CARHSP1: variants seen among roughly 807,000 people sequenced by gnomAD.
CARHSP1 encodes the protein calcium regulated heat stable protein 1, also known as calcium-regulated heat-stable protein 1.
In CARHSP1, 14 loss-of-function variants were observed where a neutral mutation model predicts 12.5. That is an observed-to-expected ratio of 1.12 (90% CI 0.74 to 1.75). The LOEUF (loss-of-function observed/expected upper bound fraction) is 1.75. Among genes scored for constraint, CARHSP1 ranks in the 40% most tolerant of loss-of-function variants. The pLI is 0.00. For synonymous variants in CARHSP1, 161 were observed against 82.0 expected (o/e 1.96, Z -5.20); for missense variants, 343 against 201.6 (o/e 1.70, Z -4.25).
At chr16:8,857,263 G>GTTTTTTGTTTTTTGTTTTTTTTTTTTT (rs1315960023) in intron 3 of CARHSP1, among the ~76,000 whole-genome samples, 5 of 57,036 alleles carry the variant, frequency 8.8e-5, no homozygotes, top group East Asian at 8.9e-4. Flanking sequence ...GGGCAGATCT[G>GTTTTTTGTTTTTTGTTTTTTTTTTTTT]TTTTTTTTTT....
At chr16:8,855,455 T>G (rs1375228388) in intron 3 of CARHSP1, 129 bp from the exon 4 acceptor site, 2 of 769,814 alleles carry the variant, frequency 2.6e-6, no homozygotes, top group African/African-American at 3.6e-5. Context: ...CGGGAACCTC[T>G]TTCCAAAGAA....
rs573668584 is a variant in CARHSP1, at chr16:8,861,033, G to A, written c.-7-1698C>T. Among the ~76,000 whole-genome samples, 82 of 143,466 alleles carry A rather than the reference G, an allele frequency of 5.7e-4. 1 individual carries two copies. In the South Asian group the frequency reaches 0.011, roughly 19 times the overall value. The allele number at this position is 143,466 out of a possible 152,430, so 94.1% of individuals were successfully genotyped here. A position where few individuals can be genotyped will look rare whatever the true frequency, so the allele number is the denominator to read the frequency against. Reference sequence around the variant, plus strand: ...CCACAGCACTCCAGCCTGGGTGACAGAGTGAGACTCCGTCTCAAAAAAAAA... The same window carrying A: ...CCACAGCACTCCAGCCTGGGTGACAAAGTGAGACTCCGTCTCAAAAAAAAA... On this transcript the variant is annotated intron_variant, in intron 1 of 3. Transcript: ENST00000311052.
chr16:8,860,151 G>C lies in CARHSP1; in HGVS notation c.-7-816C>G, dbSNP rs893181928. 2.3e-5 allele frequency: 23 copies of C among 985,298 alleles called. No homozygotes were observed. In the African/African-American group the frequency reaches 3.5e-4, roughly 15 times the overall value. The allele number at this position is 985,298 out of a possible 1,614,324, so 61.0% of individuals were successfully genotyped here. A position where few individuals can be genotyped will look rare whatever the true frequency, so the allele number is the denominator to read the frequency against. ...AGGGAACTGTGGAACACGTCGCAGA[G>C]AGCTCAAGCGCCACGTTTGGATCCC... On this transcript the variant is annotated intron_variant, in intron 1 of 3. Transcript: ENST00000311052.
chr16:8,863,774 C>T (rs1009016368), intron 1 of CARHSP1, among the ~76,000 whole-genome samples: 1 of 152,056 alleles, frequency 6.6e-6, no homozygotes, highest in African/African-American at 2.4e-5. Flanking sequence ...AACTGGGGGG[C>T]GGGTAACCAG....
At chr16:8,863,046 G>A (rs2061394370) in intron 1 of CARHSP1, among the ~76,000 whole-genome samples, 1 of 151,206 alleles carries the variant, frequency 6.6e-6, no homozygotes, top group Admixed American at 6.6e-5. Flanking sequence ...TGTGTCCCAA[G>A]GGCCCAGCAC....
chr16:8,858,097 C>G, intron 3 of CARHSP1: 1 of 522,202 alleles, frequency 1.9e-6, no homozygotes, highest in Non-Finnish European at 3.4e-6. Context: ...CACAAAGACA[C>G]ACCCAGGGAC....
rs181010818 is a variant in CARHSP1 at position 8,855,585 on chromosome 16, C to T, written c.282-259G>A. On this transcript the variant is annotated intron_variant, in intron 3 of 3. Transcript: ENST00000311052. ...GATGCTGGAACTGAAAGAGTTCAGC[C>T]ACCTGTGGGTGCTCACATGGTGACA... is the stretch of plus-strand genomic sequence containing the variant. Among the ~76,000 whole-genome samples the T allele has an allele frequency of 9.8e-5, 15 of 152,328 alleles. No homozygotes were observed. In the East Asian group the frequency reaches 2.3e-3, roughly 24 times the overall value.
intron 3 of CARHSP1, among the ~76,000 whole-genome samples, chr16:8,857,168 T>G (rs938429303): frequency 3.3e-5 from 5 of 150,752 alleles, no homozygotes; most frequent in Non-Finnish European, 7.4e-5. Context: ...ACATGCACCA[T>G]GCACAGCTGA....
At position 8,855,045 on chromosome 16, in the gene CARHSP1, G is replaced by C; in HGVS notation, c.*119C>G. 1.3e-6 allele frequency: 1 copy of C among 798,638 alleles called. No individual in the cohort carries two copies. Among genetic ancestry groups the C allele is most frequent in the Non-Finnish European group, 1.8e-6 (1 of 557,580 alleles). 49.5% of individuals were successfully genotyped at this position (798,638 alleles called of 1,614,324 possible). A position where few individuals can be genotyped will look rare whatever the true frequency, so the allele number is the denominator to read the frequency against. ...ACCCCTTCCTCCAGGAGATACTTGA[G>C]AGGGACCATGCCCGGCTGAAGCCCC... On this transcript the variant is annotated 3_prime_UTR_variant, in exon 4 of 4. Transcript: ENST00000311052.
intron 3 of CARHSP1, among the ~76,000 whole-genome samples, chr16:8,856,783 G>A (rs977973552): frequency 1.3e-5 from 2 of 152,106 alleles, no homozygotes; most frequent in Non-Finnish European, 2.9e-5. Flanking sequence ...AAGCAGGTAG[G>A]GACAAGGGTG....
At chr16:8,856,856 C>A (rs1182324238) in intron 3 of CARHSP1, among the ~76,000 whole-genome samples, 2 of 152,140 alleles carry the variant, frequency 1.3e-5, no homozygotes, top group African/African-American at 4.8e-5. Flanking sequence ...GCATGGGGGG[C>A]TGGGTGCCTT....
At chr16:8,865,205 G>A (rs190902722) in intron 1 of CARHSP1, among the ~76,000 whole-genome samples, 129 of 152,266 alleles carry the variant, frequency 8.5e-4, no homozygotes, top group Admixed American at 7.2e-4. Flanking sequence ...CGCCCCCCAG[G>A]TTCAAGCGAT....
intron 1 of CARHSP1, among the ~76,000 whole-genome samples, chr16:8,861,989 C>CTGTTTTTTTTTTTTTTTT (rs2061369387): frequency 1.3e-5 from 1 of 79,772 alleles, no homozygotes; most frequent in Non-Finnish European, 2.6e-5. Flanking sequence ...GCATAGCTGA[C>CTGTTTTTTTTTTTTTTTT]TTTTTTTTTT....
intron 3 of CARHSP1, among the ~76,000 whole-genome samples, chr16:8,856,559 A>G (rs971166291): frequency 1.4e-5 from 2 of 147,036 alleles, no homozygotes; most frequent in Admixed American, 1.4e-4. Context: ...CCATGTATGC[A>G]TGCATATGTG....
At position 8,855,048 on chromosome 16, in the gene CARHSP1, G is replaced by A. The variant is rs2061052169; in HGVS notation, c.*116C>T. Reference sequence around the variant, plus strand: ...CCTTCCTCCAGGAGATACTTGAGAGGGACCATGCCCGGCTGAAGCCCCGTC... The same window carrying A: ...CCTTCCTCCAGGAGATACTTGAGAGAGACCATGCCCGGCTGAAGCCCCGTC... On this transcript the variant is annotated 3_prime_UTR_variant, in exon 4 of 4. Transcript: ENST00000311052. 2 of 913,830 alleles carry A rather than the reference G, an allele frequency of 2.2e-6. No individual in the cohort carries two copies. Among genetic ancestry groups the A allele is most frequent in the Non-Finnish European group, 3.1e-6 (2 of 648,728 alleles). 56.6% of individuals were successfully genotyped at this position (913,830 alleles called of 1,614,324 possible).
intron 1 of CARHSP1, among the ~76,000 whole-genome samples, chr16:8,864,520 C>G (rs2061423426): frequency 6.6e-6 from 1 of 152,236 alleles, no homozygotes; most frequent in African/African-American, 2.4e-5. Flanking sequence ...AACGGAGACA[C>G]AAAGAGTCAA....
At chr16:8,857,220 TC>T (rs2141080409) in intron 3 of CARHSP1, among the ~76,000 whole-genome samples, 1 of 144,748 alleles carries the variant, frequency 6.9e-6, no homozygotes, top group Admixed American at 6.9e-5. Flanking sequence ...CACCCCCAGA[TC>T]CATTTCCATC....
At chr16:8,855,863 C>G (rs2061085882) in intron 3 of CARHSP1, among the ~76,000 whole-genome samples, 1 of 152,178 alleles carries the variant, frequency 6.6e-6, no homozygotes, top group Non-Finnish European at 1.5e-5. Flanking sequence ...TGTTCTGTTG[C>G]CCAGGCTGGA....
chr16:8,863,286 C>CATTGTTTGT (rs2061400482), intron 1 of CARHSP1, among the ~76,000 whole-genome samples: 1 of 151,464 alleles, frequency 6.6e-6, no homozygotes, highest in Non-Finnish European at 1.5e-5. Flanking sequence ...ACAACCAGCT[C>CATTGTTTGT]ATTTTTTGTA....
Sources: allele counts gnomAD v4.1 joint callset (sites outside exome capture counted in the v4.1 genomes callset), GRCh38; gene constraint gnomAD v4.1.1; transcripts MANE v1.5; gene names NCBI Gene and HGNC (gene_info 2026-07-23, HGNC 2026-07-21).